IQCE: variants seen among roughly 807,000 people sequenced by gnomAD.
IQCE encodes the protein IQ motif containing E.
In IQCE, 115 loss-of-function variants were observed where a neutral mutation model predicts 96.0. The ratio of observed to expected loss-of-function variants is 1.20; its 90% CI spans 1.03 to 1.40. The LOEUF (loss-of-function observed/expected upper bound fraction) is 1.40, where lower values mean the gene tolerates loss of function less well. Ranked by LOEUF, IQCE falls within the 40% of genes most tolerant of loss-of-function variation. The pLI, the probability that IQCE is intolerant of heterozygous loss-of-function variation, is 0.00. For missense variants in IQCE, 1,041 were observed against 909.1 expected, an observed-to-expected ratio of 1.15 and a Z score of -1.87; for synonymous variants, 412 against 371.2, an observed-to-expected ratio of 1.11 and a Z score of -1.26.
At chr7:2,585,511 C>T (rs1474890336) in intron 11 of IQCE, among the ~76,000 whole-genome samples, 1 of 152,280 alleles carries the variant, frequency 6.6e-6, no homozygotes, top group African/African-American at 2.4e-5. Context: ...ACACAGCCTT[C>T]CTGAGCTTAG....
rs1785122096 is a variant in IQCE at position 2,612,006 on chromosome 7, C to T, written c.*1844C>T. The T allele has an allele frequency of 6.6e-6, 1 of 152,120 alleles. No homozygotes were observed. Among genetic ancestry groups the T allele is most frequent in the African/African-American group, 2.4e-5 (1 of 41,408 alleles). 9.4% of individuals were successfully genotyped at this position (152,120 alleles called of 1,614,324 possible). A position where few individuals can be genotyped will look rare whatever the true frequency, so the allele number is the denominator to read the frequency against. ...GCTTCAGGTCCTAGGAGCCAGTCCA[C>T]CTCGAAAGCCCTGAGAAAGTGAGAC... On this transcript the variant is annotated 3_prime_UTR_variant, in exon 22 of 22. Coordinates refer to ENST00000402050, the MANE Select transcript of IQCE (RefSeq NM_152558.5).
rs1785084676 is a variant in IQCE at position 2,611,118 on chromosome 7, CTGGG to C, written c.*957_*960del. 3 of 131,724 alleles carry C rather than the reference CTGGG, an allele frequency of 2.3e-5. No homozygotes were observed. Among genetic ancestry groups the C allele is most frequent in the Non-Finnish European group, 3.3e-5 (2 of 60,768 alleles). The allele number at this position is 131,724 out of a possible 1,614,324, so 8.2% of individuals were successfully genotyped here. A position where few individuals can be genotyped will look rare whatever the true frequency, so the allele number is the denominator to read the frequency against. ...TGCACTCCCAAGCTCCATGGCTGGGCTGGGCTGGGCTGGGCTGGGCTGGGCCGGG... is the reference window on the plus strand; with the variant it reads ...TGCACTCCCAAGCTCCATGGCTGGGCCTGGGCTGGGCTGGGCTGGGCCGGG... On this transcript the variant is annotated 3_prime_UTR_variant, in exon 22 of 22. Transcript: ENST00000402050.
At chr7:2,584,164 G>A in intron 10 of IQCE, 72 bp from the exon 11 acceptor site, 5 of 1,341,040 alleles carry the variant, frequency 3.7e-6, no homozygotes, top group South Asian at 1.2e-5. Flanking sequence ...GGACTGTGAT[G>A]TTGGTCTTTT....
intron 12 of IQCE, among the ~76,000 whole-genome samples, chr7:2,587,040 G>A (rs949142743): frequency 2.6e-5 from 4 of 152,220 alleles, no homozygotes; most frequent in Non-Finnish European, 4.4e-5. Flanking sequence ...CCTGGATGGG[G>A]GCAGCAGTGG....
In IQCE at chr7:2,614,492, G is replaced by A. The variant is rs1398078213; in HGVS notation, c.*4330G>A. 1 of 152,222 alleles carries A rather than the reference G, an allele frequency of 6.6e-6. No homozygotes were observed. The highest frequency in any genetic ancestry group is 2.4e-5 in the African/African-American group (1 of 41,452). The allele number at this position is 152,222 out of a possible 1,614,324, so 9.4% of individuals were successfully genotyped here. A position where few individuals can be genotyped will look rare whatever the true frequency, so the allele number is the denominator to read the frequency against. Reference sequence around the variant, plus strand: ...CCCTGTCTGGTACAGACCACGGCTGGGTAAGCACCCTTAAAAGCAACAGAA... The same window carrying A: ...CCCTGTCTGGTACAGACCACGGCTGAGTAAGCACCCTTAAAAGCAACAGAA... On this transcript the variant is annotated 3_prime_UTR_variant, in exon 22 of 22. Transcript: ENST00000402050.
intron 6 of IQCE, among the ~76,000 whole-genome samples, 182 bp from the exon 7 acceptor site, chr7:2,578,046 CATTGGCGTGTGCGT>C (rs1782326064): frequency 6.8e-6 from 1 of 147,342 alleles, no homozygotes; most frequent in Non-Finnish European, 1.5e-5. Context: ...GGCGTGTGCG[CATTGGCGTGTGCGT>C]GGCTGTGTGC....
At position 2,588,669 on chromosome 7, in the gene IQCE, T is replaced by TG. The variant is rs1783329340; in HGVS notation, c.1044+792_1044+793insG. ...TGCCTGGCTGGTTTTTTTTTTTTTT[T>TG]TTTTTTTTTTTTTGAGGTGGAGTCT... is the stretch of plus-strand genomic sequence containing the variant. On this transcript the variant is annotated intron_variant, in intron 13 of 21. Transcript: ENST00000402050. 2.2e-5 allele frequency among the ~76,000 whole-genome samples: 3 copies of TG among 134,332 alleles called. No individual in the cohort carries two copies. The South Asian group carries it at 7.8e-4, about 35-fold the overall frequency. The allele number at this position is 134,332 out of a possible 152,430, so 88.1% of individuals were successfully genotyped here.
rs1482908583 is a variant in IQCE, at chr7:2,598,645, G to A, written c.1608+13G>A. 9.3e-6 allele frequency: 14 copies of A among 1,509,860 alleles called. No homozygotes were observed. The East Asian group carries it at 1.5e-4, about 16-fold the overall frequency. The allele number at this position is 1,509,860 out of a possible 1,614,324, so 93.5% of individuals were successfully genotyped here. On this transcript the variant is annotated intron_variant, in intron 17 of 21. Transcript: ENST00000402050. ...GTACAAGCACAAGGTGAGGCTCCCC[G>A]GGGCGACCCGGGCTGCTCCCTGTGA...
At chr7:2,563,289 C>T (rs1007737274) in intron 1 of IQCE, among the ~76,000 whole-genome samples, 5 of 152,050 alleles carry the variant, frequency 3.3e-5, no homozygotes, top group East Asian at 3.9e-4. Context: ...CTCAACTTCC[C>T]GGACCCAGGT....
chr7:2,581,648 C>T (rs1271081143), intron 8 of IQCE, among the ~76,000 whole-genome samples: 1 of 151,916 alleles, frequency 6.6e-6, no homozygotes. Flanking sequence ...CAACACCAGT[C>T]TGGGCAACAT....
At chr7:2,601,713 C>T in intron 18 of IQCE, 1 of 433,104 alleles carries the variant, frequency 2.3e-6, no homozygotes, top group Non-Finnish European at 4.2e-6. Flanking sequence ...CTGTGCCCAG[C>T]TAATTTTTGT....
intron 11 of IQCE, chr7:2,584,673 G>T (rs201584093): frequency 1.0e-5 from 2 of 196,758 alleles, no homozygotes; most frequent in Non-Finnish European, 2.1e-5. Context: ...GAGAAACACC[G>T]AGGTTCTCCT....
chr7:2,575,262 C>T (rs1188531184), intron 6 of IQCE, among the ~76,000 whole-genome samples: 1 of 152,226 alleles, frequency 6.6e-6, no homozygotes, highest in Admixed American at 6.5e-5. Context: ...CTCGTTATCA[C>T]CCGCGAGGGT....
chr7:2,599,392 C>T (rs376347669), intron 17 of IQCE, among the ~76,000 whole-genome samples: 9 of 152,128 alleles, frequency 5.9e-5, no homozygotes, highest in East Asian at 5.8e-4. Context: ...GACAGGATTT[C>T]ACCTTATTAG....
chr7:2,581,244 C>T (rs938242157), intron 8 of IQCE, among the ~76,000 whole-genome samples: 4 of 152,098 alleles, frequency 2.6e-5, no homozygotes, highest in Admixed American at 6.5e-5. Context: ...CTGGCTCTGT[C>T]GCCCAGGCTG....
At position 2,601,434 on chromosome 7, in the gene IQCE, T is replaced by TTTC; in HGVS notation, c.1609-6_1609-4dup. ...CATGTATTTTTTCTTTCTTTTTTTT[T>TTTC]TTCCAGAAAAAAAAGGCTGTTCTGG... On this transcript the variant is annotated splice_polypyrimidine_tract_variant and splice_region_variant and intron_variant, in intron 17 of 21. Transcript: ENST00000402050. 1 of 1,534,008 alleles carries TTTC rather than the reference T, an allele frequency of 6.5e-7. No individual in the cohort carries two copies. Among genetic ancestry groups the TTTC allele is most frequent in the African/African-American group, 1.4e-5 (1 of 71,902 alleles).
intron 19 of IQCE, among the ~76,000 whole-genome samples, chr7:2,605,319 G>GT (rs1196561008): frequency 2.0e-5 from 3 of 152,178 alleles, no homozygotes; most frequent in Non-Finnish European, 4.4e-5. Flanking sequence ...CCAGGTTTTT[G>GT]TTTAAGAATC....
chr7:2,608,760 A>G (rs1377197248), intron 21 of IQCE, among the ~76,000 whole-genome samples: 1 of 152,246 alleles, frequency 6.6e-6, no homozygotes, highest in African/African-American at 2.4e-5. Flanking sequence ...TAAAGACGCA[A>G]GTTCATCCCC....
chr7:2,578,057 G>A (rs879247361), intron 6 of IQCE, among the ~76,000 whole-genome samples, 185 bp from the exon 7 acceptor site: 473 of 123,158 alleles, frequency 3.8e-3, no homozygotes, highest in African/African-American at 0.016. Context: ...ATTGGCGTGT[G>A]CGTGGCTGTG....
Sources: allele counts gnomAD v4.1 joint callset (sites outside exome capture counted in the v4.1 genomes callset), GRCh38; gene constraint gnomAD v4.1.1; transcripts MANE v1.5; gene names NCBI Gene and HGNC (gene_info 2026-07-23, HGNC 2026-07-21).